ZFHX3: variants seen among roughly 807,000 people sequenced by gnomAD.
ZFHX3 encodes zinc finger homeobox 3, also known as zinc finger homeobox protein 3.
In ZFHX3, 42 loss-of-function variants were observed where a neutral mutation model predicts 279.1. The observed-to-expected ratio is 0.15, with a 90% CI of 0.12 to 0.19. The LOEUF is 0.19. ZFHX3 is among the 10% of genes least tolerant of loss of function. The pLI is 1.00. For synonymous variants in ZFHX3, 2,293 were observed against 1,957.8 expected, an observed-to-expected ratio of 1.17 and a Z score of -4.52; for missense variants, 4,981 against 4,754.0, an observed-to-expected ratio of 1.05 and a Z score of -1.40.
intron 5 of ZFHX3, among the ~76,000 whole-genome samples, chr16:73,185,142 C>A (rs1414260912): frequency 6.6e-6 from 1 of 152,018 alleles, no homozygotes; most frequent in Non-Finnish European, 1.5e-5. Context: ...TATAGGCAGT[C>A]AATATTTTAA....
intron 5 of ZFHX3, among the ~76,000 whole-genome samples, chr16:73,254,366 A>G (rs1451960896): frequency 6.6e-6 from 1 of 151,856 alleles, no homozygotes; most frequent in Admixed American, 6.6e-5. Flanking sequence ...CATCTCTTGC[A>G]TGTCTAATTG....
chr16:73,279,070 A>G (rs1010810554), intron 4 of ZFHX3, among the ~76,000 whole-genome samples: 1 of 152,144 alleles, frequency 6.6e-6, no homozygotes, highest in Non-Finnish European at 1.5e-5. Flanking sequence ...CTTCCGGTCT[A>G]TGCATTCTTT....
chr16:73,543,554 C>T (rs2020054466), intron 2 of ZFHX3, among the ~76,000 whole-genome samples: 1 of 152,132 alleles, frequency 6.6e-6, no homozygotes, highest in African/African-American at 2.4e-5. Flanking sequence ...GTAAAGGGAG[C>T]AGCTGGGAAT....
intron 1 of ZFHX3, among the ~76,000 whole-genome samples, chr16:73,020,218 T>A (rs1239725734): frequency 6.6e-6 from 1 of 152,150 alleles, no homozygotes; most frequent in African/African-American, 2.4e-5. Flanking sequence ...TTTAATTTTT[T>A]AAAAATACAT....
chr16:73,589,189 G>A (rs2051962472), intron 2 of ZFHX3, among the ~76,000 whole-genome samples: 1 of 147,586 alleles, frequency 6.8e-6, no homozygotes, highest in South Asian at 2.2e-4. Context: ...GACCCTCGGA[G>A]GGGAAGGTTG....
At chr16:73,498,883 G>C (rs2143660671) in intron 2 of ZFHX3, among the ~76,000 whole-genome samples, 1 of 152,290 alleles carries the variant, frequency 6.6e-6, no homozygotes. Context: ...GGGGCAGGGA[G>C]TGAGTGCTTC....
intron 8 of ZFHX3, among the ~76,000 whole-genome samples, chr16:73,081,038 T>G (rs572924698): frequency 3.7e-4 from 57 of 152,346 alleles, no homozygotes; most frequent in African/African-American, 1.2e-3. Context: ...ACATTTCACC[T>G]TGCTAGATTT....
intron 3 of ZFHX3, among the ~76,000 whole-genome samples, chr16:73,335,610 C>T (rs1376727532): frequency 6.6e-6 from 1 of 152,138 alleles, no homozygotes; most frequent in Non-Finnish European, 1.5e-5. Flanking sequence ...GTATCAGTCA[C>T]CTTTGTTTGG....
chr16:73,453,047 CCCAT>C (rs2018305464), intron 3 of ZFHX3, among the ~76,000 whole-genome samples: 1 of 150,014 alleles, frequency 6.7e-6, no homozygotes, highest in Non-Finnish European at 1.5e-5. Context: ...CACCCACCCA[CCCAT>C]CCATCCACTT....
chr16:73,839,114 G>A lies in ZFHX3; in HGVS notation c.-1608+52537C>T, dbSNP rs369270747. On this transcript the variant is annotated intron_variant, in intron 1 of 17. Coordinates refer to the ZFHX3 transcript ENST00000641206. ...AGAGCTAGCTTATGTATGTTATATT[G>A]GCCTGGTTGTACGAAAGCAGAAAAA... is the stretch of plus-strand genomic sequence containing the variant. Among the ~76,000 whole-genome samples the A allele has an allele frequency of 1.1e-4, 16 of 151,732 alleles. 1 individual carries two copies. The highest frequency in any genetic ancestry group is 6.6e-4 in the Admixed American group (10 of 15,246).
intron 3 of ZFHX3, among the ~76,000 whole-genome samples, chr16:72,907,543 ATTTG>A (rs1355152506): frequency 1.2e-4 from 10 of 80,064 alleles, no homozygotes; most frequent in Non-Finnish European, 2.3e-4. Context: ...GGTTTCCTCT[ATTTG>A]TGTGTGTGTG....
chr16:72,843,277 A>G (rs1424383441), intron 4 of ZFHX3, among the ~76,000 whole-genome samples: 2 of 152,006 alleles, frequency 1.3e-5, no homozygotes, highest in African/African-American at 4.8e-5. Context: ...TTGGGAGGCC[A>G]AGGCAGGCAG....
chr16:73,638,157 T>G lies in ZFHX3; in HGVS notation c.-1547+42023A>C, dbSNP rs563758107. ...AAAATGATCACATTCTTAGAGAATT[T>G]TATTCCATGGAAATAATCTTGAATG... On this transcript the variant is annotated intron_variant, in intron 2 of 17. Coordinates refer to the ZFHX3 transcript ENST00000641206. 8.2e-4 allele frequency among the ~76,000 whole-genome samples: 125 copies of G among 152,308 alleles called. 1 individual carries two copies. Among genetic ancestry groups the G allele is most frequent in the Non-Finnish European group, 1.2e-3 (82 of 68,014 alleles).
chr16:73,205,260 T>TA (rs933272890), intron 5 of ZFHX3, among the ~76,000 whole-genome samples: 1 of 152,112 alleles, frequency 6.6e-6, no homozygotes, highest in Admixed American at 6.5e-5. Context: ...AAATAACTAA[T>TA]AAAAAAGCCT....
chr16:73,044,521 C>T (rs1021586045), intron 1 of ZFHX3, among the ~76,000 whole-genome samples: 1 of 152,166 alleles, frequency 6.6e-6, no homozygotes, highest in Admixed American at 6.5e-5. Flanking sequence ...TTGTTCAGAC[C>T]AGAATCATTG....
chr16:73,872,431 C>T (rs2029864594), intron 1 of ZFHX3, among the ~76,000 whole-genome samples: 1 of 151,840 alleles, frequency 6.6e-6, no homozygotes, highest in Non-Finnish European at 1.5e-5. Context: ...CACGGGGTTT[C>T]ACCATGTTGG....
At chr16:73,527,435 A>C in intron 2 of ZFHX3, among the ~76,000 whole-genome samples, 1 of 152,206 alleles carries the variant, frequency 6.6e-6, no homozygotes, top group East Asian at 1.9e-4. Context: ...CAGGTCACTG[A>C]TGGTCCCTCT....
intron 2 of ZFHX3, among the ~76,000 whole-genome samples, chr16:73,583,525 T>A (rs2051883678): frequency 1.3e-5 from 2 of 152,178 alleles, no homozygotes; most frequent in East Asian, 1.9e-4. Flanking sequence ...AACGCCCACA[T>A]AATTTGGGAT....
At chr16:73,455,533 GC>G (rs2018356792) in intron 3 of ZFHX3, among the ~76,000 whole-genome samples, 1 of 152,102 alleles carries the variant, frequency 6.6e-6, no homozygotes, top group Admixed American at 6.5e-5. Context: ...GTATGTGGAA[GC>G]CAGCAAAAGC....
Sources: allele counts gnomAD v4.1 joint callset (sites outside exome capture counted in the v4.1 genomes callset), GRCh38; gene constraint gnomAD v4.1.1; transcripts MANE v1.5; gene names NCBI Gene and HGNC (gene_info 2026-07-23, HGNC 2026-07-21).